Variants in SLC30A8 observed in about 807,000 individuals in gnomAD.
SLC30A8 encodes solute carrier family 30 member 8.
Under a neutral mutation model 36.9 loss-of-function variants are expected in SLC30A8, and 27 were observed. The ratio of observed to expected loss-of-function variants is 0.73; its 90% CI spans 0.54 to 1.01. SLC30A8 has a LOEUF of 1.01. Ranked by LOEUF, SLC30A8 falls within the 50% of genes least tolerant of loss-of-function variation. The pLI is 0.00. For missense variants in SLC30A8, 439 were observed against 452.0 expected (o/e 0.97, Z 0.26); for synonymous variants, 164 against 172.4 (o/e 0.95, Z 0.38).
intron 1 of SLC30A8, among the ~76,000 whole-genome samples, chr8:117,015,270 G>A (rs1033515368): frequency 1.3e-5 from 2 of 151,990 alleles, no homozygotes; most frequent in East Asian, 3.9e-4. Flanking sequence ...TTATTCCAAG[G>A]AAAATACGAT....
intron 2 of SLC30A8, among the ~76,000 whole-genome samples, chr8:117,078,812 C>T (rs933475920): frequency 4.6e-5 from 7 of 152,030 alleles, no homozygotes; most frequent in Admixed American, 2.6e-4. Context: ...CTCAATCTCC[C>T]GAGTGGCTGG....
At chr8:117,052,465 CACAAT>C (rs1472808558) in intron 2 of SLC30A8, among the ~76,000 whole-genome samples, 1 of 152,202 alleles carries the variant, frequency 6.6e-6, no homozygotes, top group Non-Finnish European at 1.5e-5. Context: ...TTTGTATCAG[CACAAT>C]ACATTTTTTA....
At chr8:116,952,557 G>T (rs1814032350) in intron 1 of SLC30A8, among the ~76,000 whole-genome samples, 1 of 151,938 alleles carries the variant, frequency 6.6e-6, no homozygotes, top group African/African-American at 2.4e-5. Flanking sequence ...CGATTCTCCT[G>T]CCTCAGCCTC....
At chr8:117,132,253 C>T (rs1001654589), upstream of SLC30A8, among the ~76,000 whole-genome samples, 2 of 151,948 alleles carry the variant, frequency 1.3e-5, no homozygotes, top group South Asian at 4.1e-4. Context: ...AGTGAAATAT[C>T]CAACAATGTT....
chr8:117,011,302 C>T (rs1816337105), intron 1 of SLC30A8, among the ~76,000 whole-genome samples: 1 of 152,180 alleles, frequency 6.6e-6, no homozygotes, highest in Non-Finnish European at 1.5e-5. Flanking sequence ...GTTTATGTCA[C>T]TTGTAATCAG....
At chr8:117,083,348 G>A (rs1312195758) in intron 2 of SLC30A8, among the ~76,000 whole-genome samples, 1 of 152,126 alleles carries the variant, frequency 6.6e-6, no homozygotes, top group Non-Finnish European at 1.5e-5. Flanking sequence ...CAGTAGAGGA[G>A]AGCCACTTTA....
At chr8:116,991,933 T>G (rs1167014575) in intron 1 of SLC30A8, among the ~76,000 whole-genome samples, 2 of 152,232 alleles carry the variant, frequency 1.3e-5, no homozygotes, top group African/African-American at 4.8e-5. Context: ...CAGTGTCTTG[T>G]GGCCCTGAAG....
At chr8:117,063,035 C>CT (rs1289371453) in intron 2 of SLC30A8, among the ~76,000 whole-genome samples, 5 of 152,152 alleles carry the variant, frequency 3.3e-5, no homozygotes, top group Non-Finnish European at 7.3e-5. Context: ...TGCTTAATGA[C>CT]TTCGAGTCCA....
intron 1 of SLC30A8, among the ~76,000 whole-genome samples, chr8:117,146,597 A>AT (rs145211837): frequency 0.054 from 8,217 of 152,150 alleles, 282 homozygotes; most frequent in East Asian, 0.13. Context: ...TTTTATTATT[A>AT]TTTTTTTGTA....
intron 1 of SLC30A8, among the ~76,000 whole-genome samples, chr8:117,007,733 G>C (rs898494606): frequency 6.6e-6 from 1 of 152,008 alleles, no homozygotes; most frequent in Non-Finnish European, 1.5e-5. Flanking sequence ...TGGAAACTAA[G>C]GCATAGAGAG....
At chr8:117,149,545 G>C (rs1822068135) in intron 2 of SLC30A8, among the ~76,000 whole-genome samples, 1 of 152,190 alleles carries the variant, frequency 6.6e-6, no homozygotes, top group Admixed American at 6.5e-5. Flanking sequence ...ACACATCTAA[G>C]AAAGATGATA....
chr8:117,169,675 G>C (rs1413716870), intron 6 of SLC30A8, among the ~76,000 whole-genome samples: 4 of 152,046 alleles, frequency 2.6e-5, no homozygotes, highest in Admixed American at 2.6e-4. Context: ...TTTGCTTCTG[G>C]GGAGGCCTCA....
chr8:117,045,140 C>T (rs555719411), intron 2 of SLC30A8, among the ~76,000 whole-genome samples: 4 of 152,276 alleles, frequency 2.6e-5, no homozygotes, highest in East Asian at 3.9e-4. Context: ...GATGGAACCA[C>T]GATTTGACCT....
intron 1 of SLC30A8, chr8:117,007,018 C>G (rs1816204963): frequency 8.4e-6 from 1 of 118,708 alleles, no homozygotes; most frequent in African/African-American, 3.3e-5. Flanking sequence ...GTTGGCCAGG[C>G]TGGTCTTGAA....
At chr8:116,986,980 CATT>C (rs1230462202) in intron 1 of SLC30A8, among the ~76,000 whole-genome samples, 4 of 152,078 alleles carry the variant, frequency 2.6e-5, no homozygotes, top group African/African-American at 9.7e-5. Context: ...AGGTCTATAT[CATT>C]ATTGTTTAGT....
rs758505118 is a variant in SLC30A8, at chr8:116,958,841, A to ATTTTTTTT, written c.-266+7743_-266+7750dup. The stretch of plus-strand genomic sequence containing the variant: ...CCTATAGCCCACTGATGCTCTTTTC[A>ATTTTTTTT]TTTTTTTTTTTTTTTTTTTTTTTTT... On this transcript the variant is annotated intron_variant, in intron 1 of 10. Coordinates refer to the SLC30A8 transcript ENST00000427715. 1.3e-4 allele frequency among the ~76,000 whole-genome samples: 8 copies of ATTTTTTTT among 60,030 alleles called. 1 individual carries two copies. The highest frequency in any genetic ancestry group is 3.5e-4 in the African/African-American group (5 of 14,422). 39.4% of individuals were successfully genotyped at this position (60,030 alleles called of 152,430 possible). A position where few individuals can be genotyped will look rare whatever the true frequency, so the allele number is the denominator to read the frequency against.
At chr8:116,974,741 T>C (rs190577980) in intron 1 of SLC30A8, among the ~76,000 whole-genome samples, 191 of 152,234 alleles carry the variant, frequency 1.3e-3, no homozygotes, top group Middle Eastern at 6.8e-3. Flanking sequence ...TGCACACGTA[T>C]GTTTATTGTG....
intron 1 of SLC30A8, among the ~76,000 whole-genome samples, chr8:117,029,676 A>G (rs777074515): frequency 5.9e-5 from 9 of 152,202 alleles, no homozygotes; most frequent in Non-Finnish European, 1.3e-4. Flanking sequence ...AGCTAATGTA[A>G]TGGAAAGATA....
intron 1 of SLC30A8, 29 bp from the exon 2 acceptor site, chr8:117,146,925 C>A (rs1186013137): frequency 6.2e-7 from 1 of 1,612,818 alleles, no homozygotes; most frequent in Non-Finnish European, 8.5e-7. Context: ...ACTATGTTCA[C>A]TTCTTGCTTC....
Sources: gnomAD v4.1 joint callset for allele counts (sites outside exome capture counted in the v4.1 genomes callset) on GRCh38, gnomAD v4.1.1 for gene constraint, MANE v1.5 for transcripts, NCBI Gene and HGNC (gene_info 2026-07-23, HGNC 2026-07-21) for gene names.